CEP350: variants seen among roughly 807,000 people sequenced by gnomAD.
CEP350 encodes the protein centrosomal protein 350, also known as centrosome-associated protein 350.
In CEP350, 126 loss-of-function variants were observed where a neutral mutation model predicts 331.8. That is an observed-to-expected ratio of 0.38 (90% confidence interval 0.33 to 0.44). CEP350 has a LOEUF of 0.44. CEP350 is among the 20% of genes least tolerant of loss of function. CEP350 has a pLI of 1.00. For synonymous variants in CEP350, 1,200 were observed against 1,259.5 expected, an observed-to-expected ratio of 0.95 and a Z score of 1.00; for missense variants, 3,406 against 3,634.6, an observed-to-expected ratio of 0.94 and a Z score of 1.62.
At position 180,021,000 on chromosome 1, in the gene CEP350, T is replaced by C. The variant is rs1385967382; in HGVS notation, c.3226T>C (p.Tyr1076His). 1.3e-6 allele frequency: 2 copies of C among 1,529,578 alleles called. No homozygotes were observed. Among genetic ancestry groups the C allele is most frequent in the South Asian group, 2.6e-5 (2 of 77,276 alleles). 94.8% of individuals were successfully genotyped at this position (1,529,578 alleles called of 1,614,324 possible). The change falls in exon 12 of 38, where the codon TAT becomes CAT. Residue 1076 changes from tyrosine (Y) to histidine (H), a missense_variant. Coordinates refer to ENST00000367607, the MANE Select transcript of CEP350 (RefSeq NM_014810.5). ...TATTTTTACAAAATCCTATCAGTTA[T>C]ATGGAAAAGGTGAGAAAAATAAATA... ...INIFTKSYQL[Y>H]GKGFEDKLDR...
chr1:180,020,089 A>C lies in CEP350; in HGVS notation c.2315A>C (p.His772Pro). The C allele has an allele frequency of 1.2e-6, 2 of 1,614,050 alleles. No individual in the cohort carries two copies. The highest frequency in any genetic ancestry group is 1.7e-6 in the Non-Finnish European group (2 of 1,179,894). Residue 772 changes from histidine to proline, a missense_variant, in exon 12 of 38, where the codon CAT becomes CCT. By Grantham distance (77) the His-to-Pro change is moderately conservative. This residue lies in a region of CEP350 where 1,857 missense variants were observed against 1,909.2 expected (regional missense o/e 0.97). Coordinates refer to ENST00000367607, the MANE Select transcript of CEP350 (RefSeq NM_014810.5). ...AGTTTAGAGCATGTAGGAATTTTGC[A>C]TAAGGATTTTGAATCTATTTTACCA... ...LLSLEHVGIL[H>P]KDFESILPTR... is the part of the protein sequence containing the mutation.
At chr1:180,100,406 C>T (rs1660733097) in intron 37 of CEP350, among the ~76,000 whole-genome samples, 1 of 152,184 alleles carries the variant, frequency 6.6e-6, no homozygotes, top group African/African-American at 2.4e-5. Flanking sequence ...CAAGTTGTTA[C>T]TTCCTTTACT....
intron 16 of CEP350, among the ~76,000 whole-genome samples, chr1:180,035,590 A>T (rs2148894911): frequency 6.6e-6 from 1 of 152,354 alleles, no homozygotes; most frequent in East Asian, 1.9e-4. Context: ...ATGGAACAAG[A>T]AAGCCTGAAT....
chr1:180,080,202 AG>A (rs957420133), intron 29 of CEP350, among the ~76,000 whole-genome samples: 2 of 152,124 alleles, frequency 1.3e-5, no homozygotes, highest in African/African-American at 2.4e-5. Context: ...AAAAGAATGG[AG>A]GGGGGCGGTA....
chr1:180,044,852 ATAAT>A (rs1228315583), intron 21 of CEP350, among the ~76,000 whole-genome samples: 3 of 151,142 alleles, frequency 2.0e-5, no homozygotes, highest in African/African-American at 7.3e-5. Context: ...AAAAAAAAGA[ATAAT>A]TAAACATAAC....
At chr1:179,989,154 G>A (rs1317948145) in intron 3 of CEP350, among the ~76,000 whole-genome samples, 1 of 151,960 alleles carries the variant, frequency 6.6e-6, no homozygotes, top group Non-Finnish European at 1.5e-5. Flanking sequence ...ACATTGGGAT[G>A]CAAAAATCTG....
At chr1:180,015,810 T>C in intron 10 of CEP350, 39 bp from the exon 11 acceptor site, 1 of 1,592,744 alleles carries the variant, frequency 6.3e-7, no homozygotes, top group Middle Eastern at 1.7e-4. Context: ...TATATCTTTG[T>C]GACAGAACTC....
intron 17 of CEP350, among the ~76,000 whole-genome samples, chr1:180,040,091 G>T (rs1450731665): frequency 2.0e-5 from 3 of 151,274 alleles, no homozygotes; most frequent in Non-Finnish European, 4.4e-5. Flanking sequence ...ACAGTTCTTG[G>T]TGTGGGACTG....
At position 180,062,354 on chromosome 1, in the gene CEP350, G is replaced by A. The variant is rs750880032; in HGVS notation, c.5397G>A (p.Gly1799=). 10 of 1,599,108 alleles carry A rather than the reference G, an allele frequency of 6.3e-6. No individual in the cohort carries two copies. The Admixed American group carries it at 1.6e-4, about 25-fold the overall frequency. The part of the protein sequence containing the change: ...IKLQEKLKSA[G]ESKLDSHSDD... ...TACAGGAGAAATTGAAGTCTGCAGG[G>A]GAGAGTAAATTGGTAAACTACATGA... Residue 1799 remains glycine, a synonymous_variant, in exon 26 of 38, where the codon GGG becomes GGA. Transcript: ENST00000367607.
chr1:180,083,238 G>T (rs560923697), intron 30 of CEP350, among the ~76,000 whole-genome samples: 1 of 152,322 alleles, frequency 6.6e-6, no homozygotes, highest in South Asian at 2.1e-4. Context: ...ATTGAGGGAG[G>T]TGTGAGGAAC....
rs144586976 is a variant in CEP350 at position 180,020,174 on chromosome 1, G to A, written c.2400G>A (p.Val800=). 1 of 1,613,838 alleles carries A rather than the reference G, an allele frequency of 6.2e-7. No individual in the cohort carries two copies. The highest frequency in any genetic ancestry group is 1.3e-5 in the African/African-American group (1 of 74,934). The change falls in exon 12 of 38, where the codon GTG becomes GTA. Residue 800 remains valine, a synonymous_variant. Transcript: ENST00000367607. Reference sequence around the variant, plus strand: ...TAACTTTTACACCTCAACCATATGTGACCTCACCAGCTGCTTATACAGATG... The same window carrying A: ...TAACTTTTACACCTCAACCATATGTAACCTCACCAGCTGCTTATACAGATG... The part of the protein sequence containing the change: ...RPLTFTPQPY[V]TSPAAYTDAL...
At chr1:180,109,399 T>C (rs903689520) in intron 37 of CEP350, among the ~76,000 whole-genome samples, 5 of 152,268 alleles carry the variant, frequency 3.3e-5, no homozygotes, top group African/African-American at 1.2e-4. Context: ...ATTACAGGCT[T>C]GAGCCACCGC....
intron 37 of CEP350, among the ~76,000 whole-genome samples, chr1:180,109,888 G>A (rs1370823053): frequency 6.6e-6 from 1 of 152,140 alleles, no homozygotes; most frequent in Non-Finnish European, 1.5e-5. Flanking sequence ...ACCCGCCTAG[G>A]CCTCCTGAAG....
At chr1:180,006,159 G>T (rs1343366965) in intron 7 of CEP350, among the ~76,000 whole-genome samples, 1 of 152,054 alleles carries the variant, frequency 6.6e-6, no homozygotes, top group African/African-American at 2.4e-5. Flanking sequence ...ATCCTGACTT[G>T]GAAAGCATTT....
chr1:179,986,906 A>G (rs1162251357), intron 2 of CEP350, among the ~76,000 whole-genome samples: 1 of 152,224 alleles, frequency 6.6e-6, no homozygotes, highest in Non-Finnish European at 1.5e-5. Flanking sequence ...ACAGTACAAT[A>G]TAAAATTTTA....
intron 1 of CEP350, among the ~76,000 whole-genome samples, chr1:179,973,050 G>A (rs141813720): frequency 0.083 from 12,653 of 151,916 alleles, 706 homozygotes; most frequent in Non-Finnish European, 0.12. Context: ...TGTATTTTTA[G>A]TAGAGACGGG....
intron 14 of CEP350, among the ~76,000 whole-genome samples, chr1:180,027,240 C>A (rs960794051): frequency 6.6e-6 from 1 of 152,188 alleles, no homozygotes; most frequent in Non-Finnish European, 1.5e-5. Flanking sequence ...TATGGGATCA[C>A]ATTTTACATG....
At position 180,020,137 on chromosome 1, in the gene CEP350, CT is replaced by C; in HGVS notation, c.2365del (p.Ser789GlnfsTer4). ...CCAACCAGGAAGAATCATAATATGG[CT>C]TCAAGGCCATTAACTTTTACACCTC... ...ILPTRKNHNM[A>X]SRPLTFTPQP... On this transcript the variant is annotated frameshift_variant, in exon 12 of 38. Transcript: ENST00000367607. LOFTEE classifies it high-confidence loss of function. 1 of 1,613,990 alleles carries C rather than the reference CT, an allele frequency of 6.2e-7. No homozygotes were observed. The highest frequency in any genetic ancestry group is 8.5e-7 in the Non-Finnish European group (1 of 1,179,876).
In CEP350 at chr1:180,016,059, T is replaced by G. The variant is rs1041711038; in HGVS notation, c.2174+89T>G. ...GTTCAGAGAATTTTGTTGACTTTTGTGAACAAGAGGGCAGAGAGGTTTATT... is the reference window on the plus strand; with the variant it reads ...GTTCAGAGAATTTTGTTGACTTTTGGGAACAAGAGGGCAGAGAGGTTTATT... On this transcript the variant is annotated intron_variant, in intron 11 of 37. Transcript: ENST00000367607. 4.0e-5 allele frequency: 58 copies of G among 1,466,514 alleles called. No individual in the cohort carries two copies. The African/African-American group carries it at 6.9e-4, about 17-fold the overall frequency. The allele number at this position is 1,466,514 out of a possible 1,614,324, so 90.8% of individuals were successfully genotyped here. A position where few individuals can be genotyped will look rare whatever the true frequency, so the allele number is the denominator to read the frequency against.
Sources: allele counts gnomAD v4.1 joint callset (sites outside exome capture counted in the v4.1 genomes callset), GRCh38; gene constraint gnomAD v4.1.1; regional missense constraint gnomAD v4.1.1; transcripts MANE v1.5; gene names NCBI Gene and HGNC (gene_info 2026-07-23, HGNC 2026-07-21).